DOCK3: variants seen among roughly 807,000 people sequenced by gnomAD.
DOCK3 encodes dedicator of cytokinesis 3.
DOCK3 carries 60 observed loss-of-function variants against 265.6 expected under a neutral mutation model. That is an observed-to-expected ratio of 0.23 (90% confidence interval 0.18 to 0.28). The LOEUF (loss-of-function observed/expected upper bound fraction) is 0.28, where lower values mean the gene tolerates loss of function less well. DOCK3 is among the 10% of genes least tolerant of loss of function. The pLI is 1.00. For missense variants in DOCK3, 1,981 were observed against 2,594.3 expected (o/e 0.76, Z 5.14); for synonymous variants, 881 against 938.0 (o/e 0.94, Z 1.11).
At chr3:50,903,416 G>C (rs1395606465) in intron 4 of DOCK3, among the ~76,000 whole-genome samples, 1 of 152,110 alleles carries the variant, frequency 6.6e-6, no homozygotes, top group African/African-American at 2.4e-5. Flanking sequence ...TGCATCTATT[G>C]AGATAATCAT....
At chr3:51,377,414 A>G (rs1466160329) in intron 51 of DOCK3, among the ~76,000 whole-genome samples, 6 of 152,226 alleles carry the variant, frequency 3.9e-5, no homozygotes, top group Non-Finnish European at 7.3e-5. Flanking sequence ...GAGTCCCATG[A>G]GGACTACATC....
intron 1 of DOCK3, among the ~76,000 whole-genome samples, chr3:50,770,181 ATAT>A (rs1439210800): frequency 6.6e-6 from 1 of 152,178 alleles, no homozygotes; most frequent in Non-Finnish European, 1.5e-5. Flanking sequence ...TTTGCAGATG[ATAT>A]TATCTTATAT....
chr3:51,025,365 A>C (rs1446196325), intron 5 of DOCK3, among the ~76,000 whole-genome samples: 2 of 152,094 alleles, frequency 1.3e-5, no homozygotes, highest in African/African-American at 4.8e-5. Flanking sequence ...AGTGGGCAGC[A>C]GTGAGCCTTA....
intron 27 of DOCK3, among the ~76,000 whole-genome samples, chr3:51,305,942 C>T (rs1173670728): frequency 7.9e-5 from 11 of 140,076 alleles, no homozygotes; most frequent in South Asian, 2.3e-4. Context: ...CAGGCTCAAG[C>T]GATTCTCCCA....
At chr3:50,786,858 C>G in intron 2 of DOCK3, 1 of 740,268 alleles carries the variant, frequency 1.4e-6, no homozygotes, top group Non-Finnish European at 2.6e-6. Context: ...TCACAGTTCT[C>G]GCATCTGAAG....
rs1432822945 is a variant in DOCK3 at position 51,337,922 on chromosome 3, AGCCCTGAAGCTAGG to A, written c.3612-427_3612-414del. 7.9e-5 allele frequency among the ~76,000 whole-genome samples: 12 copies of A among 152,352 alleles called. No individual in the cohort carries two copies. The South Asian group carries it at 1.5e-3, about 18-fold the overall frequency. On this transcript the variant is annotated intron_variant, in intron 35 of 52. Coordinates refer to ENST00000266037, the MANE Select transcript of DOCK3 (RefSeq NM_004947.5). ...TCAACTAGGTGGTGAACATGTACAG[AGCCCTGAAGCTAGG>A]GCCCTGAAGTGGAGGGTCTTGGCTT...
intron 5 of DOCK3, among the ~76,000 whole-genome samples, chr3:51,041,204 A>AT (rs1183149090): frequency 7.4e-4 from 11 of 14,782 alleles, no homozygotes; most frequent in South Asian, 0.012. Flanking sequence ...ATATATATAT[A>AT]TTTTTTTTTT....
chr3:50,984,793 CA>C (rs1223522639), intron 5 of DOCK3, among the ~76,000 whole-genome samples: 1 of 151,590 alleles, frequency 6.6e-6, no homozygotes, highest in Non-Finnish European at 1.5e-5. Flanking sequence ...TGAACAACAA[CA>C]AAATAAAAAA....
At chr3:50,833,129 GA>G (rs2045292001) in intron 2 of DOCK3, among the ~76,000 whole-genome samples, 1 of 152,112 alleles carries the variant, frequency 6.6e-6, no homozygotes, top group African/African-American at 2.4e-5. Context: ...CCCAGAATTA[GA>G]ATATTGATAC....
At chr3:50,881,197 A>T (rs1370558093) in intron 3 of DOCK3, 1 of 152,228 alleles carries the variant, frequency 6.6e-6, no homozygotes, top group Non-Finnish European at 1.5e-5. Context: ...AACTGGAAGC[A>T]TTCCCTTTGA....
intron 5 of DOCK3, among the ~76,000 whole-genome samples, chr3:51,010,276 G>GA (rs2078889642): frequency 6.6e-6 from 1 of 152,088 alleles, no homozygotes. Context: ...GGTCTCTAAG[G>GA]ACTTGCTTTA....
intron 1 of DOCK3, among the ~76,000 whole-genome samples, chr3:50,689,133 A>G (rs1281795435): frequency 6.6e-6 from 1 of 152,180 alleles, no homozygotes; most frequent in Non-Finnish European, 1.5e-5. Context: ...ACTCACTGAT[A>G]GGGTTTCAGA....
intron 5 of DOCK3, among the ~76,000 whole-genome samples, chr3:51,016,556 TCATATATTA>T (rs1392613518): frequency 0.2 from 672 of 3,304 alleles, 35 homozygotes; most frequent in Admixed American, 0.24. Flanking sequence ...TTTATATATA[TCATATATTA>T]TATATATATT....
At chr3:51,291,824 A>C (rs1367295870) in intron 27 of DOCK3, among the ~76,000 whole-genome samples, 1 of 152,226 alleles carries the variant, frequency 6.6e-6, no homozygotes, top group Admixed American at 6.5e-5. Context: ...AGTAACATGG[A>C]TTAATATGAT....
chr3:51,275,075 C>G lies in DOCK3; in HGVS notation c.2549-4C>G, dbSNP rs1401071454. ...TTTCTTCACCTTTGTATTTTCTCTC[C>G]CAGAATCCCGCCGCATCCTGCTTCC... is the stretch of plus-strand genomic sequence containing the variant. On this transcript the variant is annotated splice_region_variant and splice_polypyrimidine_tract_variant and intron_variant, in intron 24 of 52. Coordinates refer to ENST00000266037, the MANE Select transcript of DOCK3 (RefSeq NM_004947.5). The G allele has an allele frequency of 1.2e-6, 2 of 1,613,788 alleles. No homozygotes were observed. Among genetic ancestry groups the G allele is most frequent in the Non-Finnish European group, 1.7e-6 (2 of 1,179,884 alleles).
intron 5 of DOCK3, among the ~76,000 whole-genome samples, chr3:51,019,913 T>C (rs1477940193): frequency 6.6e-6 from 1 of 151,912 alleles, no homozygotes; most frequent in Non-Finnish European, 1.5e-5. Context: ...GTCTTTGGTA[T>C]TATGAATAGT....
chr3:51,361,845 A>G lies in DOCK3; in HGVS notation c.5007-14A>G. ...TGGGCCTGACTCCTCCCTATTTCCC[A>G]CTCTTGCTCACAGCCCCATGAACTT... is the stretch of plus-strand genomic sequence containing the variant. On this transcript the variant is annotated splice_polypyrimidine_tract_variant and intron_variant, in intron 47 of 52. Transcript: ENST00000266037. This position sits in a 1 kb window ranked among gnomAD's most constrained non-coding sequence, Gnocchi z 4.2. 6.2e-7 allele frequency: 1 copy of G among 1,609,294 alleles called. No individual in the cohort carries two copies. The highest frequency in any genetic ancestry group is 1.1e-5 in the South Asian group (1 of 90,310).
intron 2 of DOCK3, among the ~76,000 whole-genome samples, chr3:50,823,682 A>G (rs1014443372): frequency 6.6e-6 from 1 of 152,062 alleles, no homozygotes; most frequent in African/African-American, 2.4e-5. Context: ...GCTGTTGGGT[A>G]CACCTCCCAG....
chr3:50,962,764 G>A (rs1197463175), intron 5 of DOCK3, among the ~76,000 whole-genome samples: 1 of 151,976 alleles, frequency 6.6e-6, no homozygotes, highest in Non-Finnish European at 1.5e-5. Flanking sequence ...TCTCTTCTAG[G>A]TTCTACCTAA....
Sources: gnomAD v4.1 joint callset for allele counts (sites outside exome capture counted in the v4.1 genomes callset) on GRCh38, gnomAD v4.1.1 for gene constraint, Gnocchi (gnomAD v3.1) non-coding constraint, MANE v1.5 for transcripts, NCBI Gene and HGNC (gene_info 2026-07-23, HGNC 2026-07-21) for gene names.